PTPRD: variants seen among roughly 807,000 people sequenced by gnomAD.
PTPRD encodes the protein protein tyrosine phosphatase receptor type D.
In PTPRD, 34 loss-of-function variants were observed where a neutral mutation model predicts 214.5. The observed-to-expected ratio is 0.16, with a 90% CI of 0.12 to 0.21. The LOEUF is 0.21. Among genes scored for constraint, PTPRD ranks in the 10% least tolerant of loss-of-function variants. The pLI, the probability that PTPRD is intolerant of heterozygous loss-of-function variation, is 1.00. For missense variants in PTPRD, 2,545 were observed against 2,398.7 expected, an observed-to-expected ratio of 1.06 and a Z score of -1.27; for synonymous variants, 1,128 against 845.7, an observed-to-expected ratio of 1.33 and a Z score of -5.79.
At chr9:8,812,648 G>T (rs1036770694) in intron 11 of PTPRD, among the ~76,000 whole-genome samples, 43 of 151,888 alleles carry the variant, frequency 2.8e-4, no homozygotes, top group African/African-American at 9.7e-4. Context: ...AGTCCATGTT[G>T]ACCTTCAACC....
intron 9 of PTPRD, among the ~76,000 whole-genome samples, chr9:9,240,166 G>T (rs951146601): frequency 7.6e-6 from 1 of 132,334 alleles, no homozygotes; most frequent in Non-Finnish European, 1.7e-5. Context: ...TTTTATAAAA[G>T]ATATCTACTT....
At chr9:10,141,106 A>C (rs2098981561) in intron 3 of PTPRD, among the ~76,000 whole-genome samples, 1 of 152,140 alleles carries the variant, frequency 6.6e-6, no homozygotes, top group Non-Finnish European at 1.5e-5. Context: ...ATCTCAAAAT[A>C]ATAAGAGCTA....
At chr9:9,766,598 T>C (rs906732666) in intron 6 of PTPRD, among the ~76,000 whole-genome samples, 2 of 152,154 alleles carry the variant, frequency 1.3e-5, no homozygotes, top group Admixed American at 6.5e-5. Flanking sequence ...ATAGATTTTA[T>C]GGATTAAGGC....
intron 10 of PTPRD, among the ~76,000 whole-genome samples, chr9:9,175,587 C>T (rs947045015): frequency 1.4e-5 from 2 of 140,568 alleles, no homozygotes; most frequent in Non-Finnish European, 3.0e-5. Flanking sequence ...TGCGCTGCTG[C>T]ACTCCAGCTT....
chr9:10,444,227 T>C (rs1393288105), intron 2 of PTPRD, among the ~76,000 whole-genome samples: 1 of 151,858 alleles, frequency 6.6e-6, no homozygotes, highest in African/African-American at 2.4e-5. Flanking sequence ...TGTTTTATTC[T>C]GAAATATTTT....
At chr9:9,301,866 G>A (rs769090096) in intron 9 of PTPRD, among the ~76,000 whole-genome samples, 6 of 151,866 alleles carry the variant, frequency 4.0e-5, no homozygotes, top group South Asian at 2.1e-4. Flanking sequence ...ATAACAGGTC[G>A]ATTTCACAAA....
chr9:9,479,821 A>C (rs979950201), intron 8 of PTPRD, among the ~76,000 whole-genome samples: 1 of 152,108 alleles, frequency 6.6e-6, no homozygotes, highest in Non-Finnish European at 1.5e-5. Flanking sequence ...AAAGCACTGG[A>C]GTTTTAAACA....
intron 11 of PTPRD, among the ~76,000 whole-genome samples, chr9:8,827,463 C>G (rs1258754866): frequency 2.0e-5 from 3 of 151,922 alleles, no homozygotes; most frequent in Non-Finnish European, 2.9e-5. Flanking sequence ...AAAAATTAGC[C>G]AGGTATGGTG....
chr9:8,760,202 C>G (rs1339716589), intron 11 of PTPRD, among the ~76,000 whole-genome samples: 1 of 152,170 alleles, frequency 6.6e-6, no homozygotes, highest in African/African-American at 2.4e-5. Flanking sequence ...CGCGCCTGGC[C>G]AGCCTAACAC....
chr9:10,238,366 T>C (rs1178589306), intron 3 of PTPRD, among the ~76,000 whole-genome samples: 1 of 151,876 alleles, frequency 6.6e-6, no homozygotes, highest in African/African-American at 2.4e-5. Flanking sequence ...AACTTGCCAG[T>C]TCCTGAAAAA....
At chr9:10,240,494 A>T (rs540082972) in intron 3 of PTPRD, among the ~76,000 whole-genome samples, 49 of 152,104 alleles carry the variant, frequency 3.2e-4, no homozygotes, top group Middle Eastern at 3.4e-3. Flanking sequence ...GATCACATTT[A>T]TACTATGATG....
At chr9:9,489,396 G>C (rs1221741820) in intron 8 of PTPRD, among the ~76,000 whole-genome samples, 3 of 152,006 alleles carry the variant, frequency 2.0e-5, no homozygotes, top group Non-Finnish European at 2.9e-5. Flanking sequence ...GAGGAACAAA[G>C]GGACCATTCA....
intron 8 of PTPRD, among the ~76,000 whole-genome samples, chr9:9,429,170 A>C (rs2143005336): frequency 6.6e-6 from 1 of 152,294 alleles, no homozygotes; most frequent in South Asian, 2.1e-4. Flanking sequence ...CTAATAAAGA[A>C]GAAAAGAGAG....
intron 11 of PTPRD, among the ~76,000 whole-genome samples, chr9:8,795,506 A>G (rs988403682): frequency 2.6e-5 from 4 of 152,160 alleles, no homozygotes; most frequent in Non-Finnish European, 5.9e-5. Context: ...AATTACACAA[A>G]AGAAAGTATG....
intron 14 of PTPRD, among the ~76,000 whole-genome samples, chr9:8,529,177 C>T (rs13283094): frequency 4.6e-5 from 7 of 152,086 alleles, no homozygotes; most frequent in Middle Eastern, 3.4e-3. Flanking sequence ...TAGAAAGATT[C>T]GGGAATGTCA....
At chr9:10,079,875 T>C (rs2098205077) in intron 3 of PTPRD, among the ~76,000 whole-genome samples, 1 of 151,830 alleles carries the variant, frequency 6.6e-6, no homozygotes, top group Non-Finnish European at 1.5e-5. Context: ...TTGCTATGAA[T>C]AATTGTCAGC....
chr9:10,053,142 A>C (rs2097564126), intron 3 of PTPRD, among the ~76,000 whole-genome samples: 1 of 152,188 alleles, frequency 6.6e-6, no homozygotes, highest in Admixed American at 6.5e-5. Flanking sequence ...TAACTACATG[A>C]AATTCCAGAA....
intron 2 of PTPRD, among the ~76,000 whole-genome samples, chr9:10,393,086 T>C (rs2098101860): frequency 6.6e-6 from 1 of 151,884 alleles, no homozygotes; most frequent in Admixed American, 6.6e-5. Context: ...GCCTTTCCTA[T>C]ACAACAGTGT....
At chr9:9,361,284 C>T (rs775551243) in intron 9 of PTPRD, among the ~76,000 whole-genome samples, 28 of 150,978 alleles carry the variant, frequency 1.9e-4, no homozygotes, top group Non-Finnish European at 3.1e-4. Context: ...TCATTACCAC[C>T]GGGGATATCT....
Sources: gnomAD v4.1 joint callset for allele counts (sites outside exome capture counted in the v4.1 genomes callset) on GRCh38, gnomAD v4.1.1 for gene constraint, MANE v1.5 for transcripts, NCBI Gene and HGNC (gene_info 2026-07-23, HGNC 2026-07-21) for gene names.